CCSER1: variants seen among roughly 807,000 people sequenced by gnomAD.
The protein encoded by CCSER1 is coiled-coil serine rich protein 1.
CCSER1 carries 41 observed loss-of-function variants against 82.0 expected under a neutral mutation model. That is an observed-to-expected ratio of 0.50 (90% CI 0.39 to 0.65). The LOEUF is 0.65. CCSER1 is among the 30% of genes least tolerant of loss of function. The pLI, the probability that CCSER1 is intolerant of heterozygous loss-of-function variation, is 0.00. For missense variants in CCSER1, 1,119 were observed against 1,064.2 expected (o/e 1.05, Z -0.72); for synonymous variants, 414 against 383.9 (o/e 1.08, Z -0.92).
chr4:90,745,447 C>T, intron 7 of CCSER1, among the ~76,000 whole-genome samples: 1 of 152,128 alleles, frequency 6.6e-6, no homozygotes, highest in African/African-American at 2.4e-5. Flanking sequence ...CCATGGATAT[C>T]TGTCGAATGG....
intron 1 of CCSER1, 128 bp downstream of exon 1, chr4:90,127,959 C>T (rs529240885): frequency 3.3e-5 from 5 of 151,730 alleles, no homozygotes; most frequent in African/African-American, 1.2e-4. Flanking sequence ...GGGCCGCCTG[C>T]GAGCAGCGCG....
chr4:91,192,048 C>G (rs1293955004), intron 10 of CCSER1, among the ~76,000 whole-genome samples: 1 of 152,110 alleles, frequency 6.6e-6, no homozygotes, highest in Non-Finnish European at 1.5e-5. Flanking sequence ...AGCAAATTGA[C>G]TTAACTATAC....
chr4:90,466,341 A>G lies in CCSER1; in HGVS notation c.1604-1893A>G, dbSNP rs190700378. ...TCCCCACTGCTGAGATGGATGGGCC[A>G]TAGGCCATGAACCTGTGAGTAGCCC... On this transcript the variant is annotated intron_variant, in intron 4 of 10. Transcript: ENST00000509176. Among the ~76,000 whole-genome samples, 477 of 152,370 alleles carry G rather than the reference A, an allele frequency of 3.1e-3. 1 individual carries two copies. The highest frequency in any genetic ancestry group is 0.011 in the African/African-American group (459 of 41,594).
At chr4:91,594,287 G>A (rs943611392) in intron 10 of CCSER1, among the ~76,000 whole-genome samples, 19 of 149,248 alleles carry the variant, frequency 1.3e-4, no homozygotes, top group East Asian at 7.9e-4. Context: ...ATATATATAT[G>A]TGTGTATATA....
chr4:90,690,410 C>T (rs2149225892), intron 6 of CCSER1, among the ~76,000 whole-genome samples: 1 of 152,196 alleles, frequency 6.6e-6, no homozygotes, highest in South Asian at 2.1e-4. Context: ...ATTTCACTCA[C>T]CGCTTAGAGA....
In CCSER1 at chr4:91,309,137, T is replaced by C. The variant is rs566207522; in HGVS notation, c.2217+223143T>C. Among the ~76,000 whole-genome samples, 11 of 152,118 alleles carry C rather than the reference T, an allele frequency of 7.2e-5. No individual in the cohort carries two copies. The South Asian group carries it at 2.3e-3, about 32-fold the overall frequency. On this transcript the variant is annotated intron_variant, in intron 10 of 10. Transcript: ENST00000509176. ...GCAACATATTTTCAAATACAAAAAG[T>C]GAGTATTTTAAATCTTGTCCGTCCT...
intron 1 of CCSER1, among the ~76,000 whole-genome samples, chr4:90,303,917 A>T (rs1182341529): frequency 6.6e-6 from 1 of 152,064 alleles, no homozygotes; most frequent in East Asian, 1.9e-4. Flanking sequence ...CAAAGGGCTA[A>T]TATCCAGAAT....
intron 7 of CCSER1, among the ~76,000 whole-genome samples, chr4:90,736,312 C>T (rs1745641483): frequency 6.6e-6 from 1 of 152,042 alleles, no homozygotes; most frequent in African/African-American, 2.4e-5. Flanking sequence ...GTGTTGAAGT[C>T]CCCAAGTATT....
At position 90,483,516 on chromosome 4, in the gene CCSER1, G is replaced by T. The variant is rs995302376; in HGVS notation, c.1724+15162G>T. ...GTTTTTGCAGTGGCTGGTACCGGTTGTTCCTTTCCATGTTTAGTGCTTCCT... is the reference window on the plus strand; with the variant it reads ...GTTTTTGCAGTGGCTGGTACCGGTTTTTCCTTTCCATGTTTAGTGCTTCCT... On this transcript the variant is annotated intron_variant, in intron 5 of 10. Coordinates refer to ENST00000509176, the MANE Select transcript of CCSER1 (RefSeq NM_001145065.2). 5.9e-5 allele frequency among the ~76,000 whole-genome samples: 9 copies of T among 152,174 alleles called. No homozygotes were observed. The East Asian group carries it at 1.7e-3, about 29-fold the overall frequency.
chr4:91,102,367 T>A (rs535109027), intron 10 of CCSER1, among the ~76,000 whole-genome samples: 1 of 152,332 alleles, frequency 6.6e-6, no homozygotes, highest in East Asian at 1.9e-4. Context: ...TTTATGACAT[T>A]GTAGCTTCGT....
chr4:90,359,421 G>C (rs1283636644), intron 3 of CCSER1, among the ~76,000 whole-genome samples: 1 of 151,848 alleles, frequency 6.6e-6, no homozygotes, highest in Admixed American at 6.6e-5. Flanking sequence ...ATAACCTCTG[G>C]AGCATGGCTT....
At chr4:91,338,866 A>G (rs970245103) in intron 10 of CCSER1, among the ~76,000 whole-genome samples, 3 of 152,096 alleles carry the variant, frequency 2.0e-5, no homozygotes, top group Admixed American at 6.6e-5. Flanking sequence ...CTTTAAATAT[A>G]TATATTTAAA....
chr4:91,018,340 A>G (rs1739622166), intron 9 of CCSER1, among the ~76,000 whole-genome samples: 1 of 152,082 alleles, frequency 6.6e-6, no homozygotes, highest in Non-Finnish European at 1.5e-5. Flanking sequence ...CTTTGAATCA[A>G]CTATCAAATC....
At chr4:90,421,413 A>G (rs771509819) in intron 4 of CCSER1, among the ~76,000 whole-genome samples, 1 of 152,202 alleles carries the variant, frequency 6.6e-6, no homozygotes, top group Non-Finnish European at 1.5e-5. Context: ...GGATAGTAGA[A>G]TGATAGTAGA....
intron 4 of CCSER1, among the ~76,000 whole-genome samples, chr4:90,440,836 C>T (rs751290936): frequency 3.9e-5 from 6 of 152,034 alleles, no homozygotes; most frequent in Non-Finnish European, 7.4e-5. Flanking sequence ...CTTAAATAAT[C>T]GCTCTTAGCT....
intron 10 of CCSER1, among the ~76,000 whole-genome samples, chr4:91,387,589 A>C (rs908146961): frequency 1.3e-5 from 2 of 152,092 alleles, no homozygotes; most frequent in African/African-American, 4.8e-5. Flanking sequence ...TTTGTGAGTA[A>C]GATTTCCTTG....
chr4:91,552,057 G>T (rs1362919126), intron 10 of CCSER1, among the ~76,000 whole-genome samples: 1 of 151,552 alleles, frequency 6.6e-6, no homozygotes, highest in Non-Finnish European at 1.5e-5. Flanking sequence ...GTATATAGAA[G>T]AAATAAGTTC....
chr4:90,863,327 A>C (rs1383743036), intron 8 of CCSER1, among the ~76,000 whole-genome samples: 1 of 151,716 alleles, frequency 6.6e-6, no homozygotes, highest in African/African-American at 2.4e-5. Flanking sequence ...TTTTCTTTTG[A>C]GATATAGAGT....
intron 10 of CCSER1, among the ~76,000 whole-genome samples, chr4:91,434,190 T>A (rs1754500461): frequency 7.0e-6 from 1 of 143,224 alleles, no homozygotes; most frequent in African/African-American, 2.9e-5. Flanking sequence ...CTACAGACTT[T>A]TTGTTTGTTT....
Sources: allele counts gnomAD v4.1 joint callset (sites outside exome capture counted in the v4.1 genomes callset), GRCh38; gene constraint gnomAD v4.1.1; transcripts MANE v1.5; gene names NCBI Gene and HGNC (gene_info 2026-07-23, HGNC 2026-07-21).